The following TDRD7 variants were observed in gnomAD, a reference collection of about 807,000 sequenced individuals.
TDRD7 encodes the protein tudor domain containing 7.
In TDRD7, 47 loss-of-function variants were observed where a neutral mutation model predicts 109.8. The ratio of observed to expected loss-of-function variants is 0.43; its 90% CI spans 0.34 to 0.55. TDRD7 has a LOEUF of 0.55. Among genes scored for constraint, TDRD7 ranks in the 20% least tolerant of loss-of-function variants. The probability of loss-of-function intolerance (pLI) is 0.03; values close to 1 mark genes in which losing one functional copy is unlikely to be tolerated. For synonymous variants in TDRD7, 424 were observed against 457.3 expected (o/e 0.93, Z 0.93); for missense variants, 1,164 against 1,319.2 (o/e 0.88, Z 1.82).
chr9:97,416,944 G>C (rs1364282949), intron 1 of TDRD7, among the ~76,000 whole-genome samples: 1 of 152,112 alleles, frequency 6.6e-6, no homozygotes, highest in Non-Finnish European at 1.5e-5. Context: ...CCATTAAATG[G>C]AGAAGAATAT....
At chr9:97,471,558 G>A (rs1564210216) in intron 9 of TDRD7, among the ~76,000 whole-genome samples, 1 of 152,158 alleles carries the variant, frequency 6.6e-6, no homozygotes, top group Non-Finnish European at 1.5e-5. Context: ...AACAGAACAA[G>A]AAGAAGAAAA....
rs1217313798 is a variant in TDRD7, at chr9:97,475,778, ATATAT to A, written c.2166+312_2166+316del. On this transcript the variant is annotated intron_variant, in intron 12 of 16. Transcript: ENST00000355295. ...TATTTTTAATATTTAAATAGTGGAA[ATATAT>A]TAATGAATATGTGTATATAATATAA... Among the ~76,000 whole-genome samples the A allele has an allele frequency of 2.6e-5, 4 of 152,322 alleles. No individual in the cohort carries two copies. The South Asian group carries it at 6.2e-4, about 24-fold the overall frequency.
intron 13 of TDRD7, among the ~76,000 whole-genome samples, chr9:97,479,989 A>T (rs1829087618): frequency 6.6e-6 from 1 of 152,068 alleles, no homozygotes; most frequent in African/African-American, 2.4e-5. Context: ...GCCTGCTCTA[A>T]AGTGACCTCC....
intron 16 of TDRD7, 151 bp from the exon 17 acceptor site, chr9:97,495,512 A>G: frequency 1.3e-6 from 1 of 747,138 alleles, no homozygotes; most frequent in Admixed American, 2.0e-5. Flanking sequence ...GTGTTTTAAG[A>G]TTGTTCAGTA....
At chr9:97,414,623 C>T (rs1827782046) in intron 1 of TDRD7, among the ~76,000 whole-genome samples, 2 of 152,090 alleles carry the variant, frequency 1.3e-5, no homozygotes, top group South Asian at 4.1e-4. Flanking sequence ...TTATGGAAAT[C>T]CCTTACTTAC....
In TDRD7 at chr9:97,488,345, G is replaced by A. The variant is rs557309395; in HGVS notation, c.3076+1013G>A. Among the ~76,000 whole-genome samples the A allele has an allele frequency of 2.6e-5, 4 of 152,296 alleles. No individual in the cohort carries two copies. The East Asian group carries it at 7.7e-4, about 29-fold the overall frequency. On this transcript the variant is annotated intron_variant, in intron 16 of 16. Transcript: ENST00000355295. ...TGTGATGTCAGCAATGAAAGAAATT[G>A]TGTATATAGGTTCTTCTTTTACTTA...
At chr9:97,415,260 A>G (rs574510826) in intron 1 of TDRD7, among the ~76,000 whole-genome samples, 17 of 152,344 alleles carry the variant, frequency 1.1e-4, no homozygotes, top group African/African-American at 3.4e-4. Flanking sequence ...GCAAGAAGAA[A>G]CTTAGAAAAG....
chr9:97,417,016 A>G (rs140300211), intron 1 of TDRD7, among the ~76,000 whole-genome samples: 1,940 of 152,280 alleles, frequency 0.013, 23 homozygotes, highest in South Asian at 0.039. Flanking sequence ...TTGATTTTGA[A>G]TAGGGTGGCC....
At chr9:97,418,352 G>A (rs997177761) in intron 1 of TDRD7, among the ~76,000 whole-genome samples, 4 of 152,036 alleles carry the variant, frequency 2.6e-5, no homozygotes, top group Admixed American at 6.6e-5. Context: ...CAAGAGTCTC[G>A]GGGCAAAGGA....
chr9:97,479,184 C>T (rs1315368664), intron 13 of TDRD7, among the ~76,000 whole-genome samples: 1 of 152,144 alleles, frequency 6.6e-6, no homozygotes, highest in Admixed American at 6.5e-5. Context: ...TGCCCAGTTA[C>T]TAATATTTTC....
At chr9:97,479,328 A>G (rs764796904) in intron 13 of TDRD7, among the ~76,000 whole-genome samples, 7 of 152,098 alleles carry the variant, frequency 4.6e-5, no homozygotes, top group Non-Finnish European at 1.0e-4. Context: ...TTTTTTCAAA[A>G]TCATTTTTAC....
chr9:97,448,055 T>C (rs962304908), intron 6 of TDRD7, among the ~76,000 whole-genome samples: 4 of 152,052 alleles, frequency 2.6e-5, no homozygotes, highest in Admixed American at 6.6e-5. Context: ...CAGAGAAGAG[T>C]TTCTCTAAGT....
In TDRD7 at chr9:97,431,090, A is replaced by G. The variant is rs767561084; in HGVS notation, c.349+16A>G. On this transcript the variant is annotated intron_variant, in intron 3 of 16. Coordinates refer to ENST00000355295, the MANE Select transcript of TDRD7 (RefSeq NM_014290.3). The stretch of plus-strand genomic sequence containing the variant: ...TTTCTAGAAGGTAGGAGCTTTTTAC[A>G]TGCTAAAATTTTTAGGGCTGTCTAC... 19 of 1,613,530 alleles carry G rather than the reference A, an allele frequency of 1.2e-5. No individual in the cohort carries two copies. Among genetic ancestry groups the G allele is most frequent in the East Asian group, 2.2e-5 (1 of 44,876 alleles).
intron 6 of TDRD7, among the ~76,000 whole-genome samples, chr9:97,449,170 A>G (rs1235470347): frequency 5.9e-5 from 9 of 152,154 alleles, no homozygotes; most frequent in Admixed American, 5.9e-4. Context: ...TACTCAAACT[A>G]TGTTTTTCCT....
At chr9:97,466,203 C>T in intron 8 of TDRD7, among the ~76,000 whole-genome samples, 1 of 152,098 alleles carries the variant, frequency 6.6e-6, no homozygotes, top group Non-Finnish European at 1.5e-5. Context: ...GGCCACTGAA[C>T]CCTAGCTACA....
In TDRD7 at chr9:97,460,907, C is replaced by T. The variant is rs1453742936; in HGVS notation, c.1442+143C>T. 39 of 752,808 alleles carry T rather than the reference C, an allele frequency of 5.2e-5. 1 individual carries two copies. Among genetic ancestry groups the T allele is most frequent in the South Asian group, 3.7e-4 (24 of 64,726 alleles). 46.6% of individuals were successfully genotyped at this position (752,808 alleles called of 1,614,324 possible). On this transcript the variant is annotated intron_variant, in intron 7 of 16. Transcript: ENST00000355295. ...CTGTAATCCCAGCACTTTGGGAGGC[C>T]GAGGTGGGCGGATCACAAGGTCAGG... is the stretch of plus-strand genomic sequence containing the variant.
At chr9:97,481,699 T>C (rs759809890) in intron 14 of TDRD7, among the ~76,000 whole-genome samples, 80 of 152,340 alleles carry the variant, frequency 5.3e-4, no homozygotes, top group Non-Finnish European at 8.8e-4. Flanking sequence ...TCTTCAGTTG[T>C]CACATGATAA....
intron 11 of TDRD7, among the ~76,000 whole-genome samples, chr9:97,474,933 T>G (rs1828989721): frequency 6.6e-6 from 1 of 152,226 alleles, no homozygotes; most frequent in Non-Finnish European, 1.5e-5. Flanking sequence ...TACATATTTG[T>G]GTTGATAACA....
chr9:97,490,532 G>A (rs1009892645), intron 16 of TDRD7, among the ~76,000 whole-genome samples: 3 of 131,452 alleles, frequency 2.3e-5, no homozygotes, highest in Non-Finnish European at 3.2e-5. Context: ...AATGTGATAT[G>A]CCTAGATATA....
Sources: allele counts gnomAD v4.1 joint callset (sites outside exome capture counted in the v4.1 genomes callset), GRCh38; gene constraint gnomAD v4.1.1; transcripts MANE v1.5; gene names NCBI Gene and HGNC (gene_info 2026-07-23, HGNC 2026-07-21).